Variants in WWOX observed in about 807,000 individuals in gnomAD.
WWOX encodes the protein WW domain containing oxidoreductase.
In WWOX, 69 loss-of-function variants were observed where a neutral mutation model predicts 46.2. The ratio of observed to expected loss-of-function variants is 1.49; its 90% CI spans 1.23 to 1.82. The LOEUF (loss-of-function observed/expected upper bound fraction) is 1.82. Ranked by LOEUF, WWOX falls within the 40% of genes most tolerant of loss-of-function variation. The probability of loss-of-function intolerance (pLI) is 0.00; values close to 1 mark genes in which losing one functional copy is unlikely to be tolerated. For synonymous variants in WWOX, 359 were observed against 202.6 expected (o/e 1.77, Z -6.56); for missense variants, 919 against 542.6 (o/e 1.69, Z -6.89).
intron 8 of WWOX, among the ~76,000 whole-genome samples, chr16:78,554,258 G>T (rs1016766722): frequency 6.6e-6 from 1 of 152,140 alleles, no homozygotes; most frequent in Admixed American, 6.5e-5. Context: ...GAACTGTCAA[G>T]ATTTTCACTA....
intron 5 of WWOX, among the ~76,000 whole-genome samples, chr16:78,353,518 G>T (rs1400605439): frequency 6.6e-6 from 1 of 152,194 alleles, no homozygotes; most frequent in Non-Finnish European, 1.5e-5. Flanking sequence ...CCTCTAGCCA[G>T]TTGGGACAGG....
At chr16:78,634,539 C>T (rs1280057551) in intron 8 of WWOX, among the ~76,000 whole-genome samples, 2 of 151,920 alleles carry the variant, frequency 1.3e-5, no homozygotes, top group South Asian at 2.1e-4. Flanking sequence ...AACCCCGTCT[C>T]TACTAAAAAT....
chr16:79,051,986 G>T (rs191265570), intron 8 of WWOX, among the ~76,000 whole-genome samples: 1 of 151,020 alleles, frequency 6.6e-6, no homozygotes, highest in Non-Finnish European at 1.5e-5. Context: ...AAGTTACTTC[G>T]TCCTTCCTTT....
In WWOX at chr16:79,155,912, G is replaced by C. The variant is rs187949189; in HGVS notation, c.1057-55696G>C. ...TTCCAGTTGTTTTTTTTTTAATCTA[G>C]GTACAAGTCTCTCTGTTGATTTCTA... On this transcript the variant is annotated intron_variant, in intron 8 of 8. Coordinates refer to ENST00000566780, the MANE Select transcript of WWOX (RefSeq NM_016373.4). Among the ~76,000 whole-genome samples the C allele has an allele frequency of 9.3e-3, 1,418 of 151,734 alleles. 27 individuals carry two copies. Among genetic ancestry groups the C allele is most frequent in the African/African-American group, 0.033 (1,346 of 41,340 alleles).
intron 5 of WWOX, among the ~76,000 whole-genome samples, chr16:78,359,505 TTTC>T (rs569016465): frequency 6.6e-6 from 1 of 152,182 alleles, no homozygotes; most frequent in Non-Finnish European, 1.5e-5. Context: ...TGAAACACCT[TTTC>T]TTTTTTAATC....
chr16:78,934,128 G>C (rs1008175266), intron 8 of WWOX, among the ~76,000 whole-genome samples: 1 of 151,888 alleles, frequency 6.6e-6, no homozygotes, highest in Non-Finnish European at 1.5e-5. Context: ...AAGGTCAGGA[G>C]ATGGAGACCA....
rs558872989 is a variant in WWOX, at chr16:78,678,722, A to C, written c.1056+245970A>C. 3.8e-3 allele frequency among the ~76,000 whole-genome samples: 575 copies of C among 152,280 alleles called. 2 individuals are homozygous for C. The highest frequency in any genetic ancestry group is 0.013 in the African/African-American group (537 of 41,564). Reference sequence around the variant, plus strand: ...TAAAAGAGGGTCAAGATTTTGACGGAGGGCTGGAAGGGAGGAACGATAGGA... The same window carrying C: ...TAAAAGAGGGTCAAGATTTTGACGGCGGGCTGGAAGGGAGGAACGATAGGA... On this transcript the variant is annotated intron_variant, in intron 8 of 8. Transcript: ENST00000566780.
At chr16:78,473,799 C>T (rs966432376) in intron 8 of WWOX, among the ~76,000 whole-genome samples, 3 of 152,098 alleles carry the variant, frequency 2.0e-5, no homozygotes, top group African/African-American at 4.8e-5. Flanking sequence ...CCCCTGAATG[C>T]CAACAAGAGT....
At chr16:78,675,722 C>G (rs865811783) in intron 8 of WWOX, among the ~76,000 whole-genome samples, 1 of 152,124 alleles carries the variant, frequency 6.6e-6, no homozygotes, top group Admixed American at 6.5e-5. Flanking sequence ...TGCCTATAAC[C>G]CTGCACTTAG....
chr16:78,622,295 C>T (rs535000822), intron 8 of WWOX, among the ~76,000 whole-genome samples: 1 of 152,010 alleles, frequency 6.6e-6, no homozygotes, highest in Non-Finnish European at 1.5e-5. Flanking sequence ...GTAATCCCAG[C>T]ACTTTGGGAC....
chr16:78,602,866 A>C (rs1047212836), intron 8 of WWOX, among the ~76,000 whole-genome samples: 2 of 152,136 alleles, frequency 1.3e-5, no homozygotes, highest in African/African-American at 4.8e-5. Flanking sequence ...GAAATTGAGT[A>C]ATTTTTGCCA....
rs145555471 is a variant in WWOX at position 78,322,304 on chromosome 16, A to C, written c.517-64556A>C. On this transcript the variant is annotated intron_variant, in intron 5 of 8. Transcript: ENST00000566780. Reference sequence around the variant, plus strand: ...TGTATTAGCCAGCATTAAGGGGAAAAAATGACATTTTGACTTTGACTCCCT... The same window carrying C: ...TGTATTAGCCAGCATTAAGGGGAAACAATGACATTTTGACTTTGACTCCCT... 6.6e-5 allele frequency among the ~76,000 whole-genome samples: 10 copies of C among 152,188 alleles called. No homozygotes were observed. The East Asian group carries it at 1.9e-3, about 29-fold the overall frequency.
intron 2 of WWOX, among the ~76,000 whole-genome samples, chr16:78,109,189 T>G (rs1258062221): frequency 6.6e-6 from 1 of 152,104 alleles, no homozygotes. Flanking sequence ...ATCCACGGAA[T>G]AGAAGTATAA....
intron 4 of WWOX, among the ~76,000 whole-genome samples, chr16:78,150,312 C>A (rs1412978042): frequency 6.6e-6 from 1 of 152,102 alleles, no homozygotes; most frequent in African/African-American, 2.4e-5. Context: ...CCGGCATGCC[C>A]CTCTCCAGGC....
chr16:78,548,635 C>T (rs898946736), intron 8 of WWOX, among the ~76,000 whole-genome samples: 2 of 152,168 alleles, frequency 1.3e-5, no homozygotes, highest in East Asian at 1.9e-4. Context: ...ATGATTTTGC[C>T]TTTCATGCAG....
chr16:78,983,020 T>G (rs897120651), intron 8 of WWOX, among the ~76,000 whole-genome samples: 1 of 152,220 alleles, frequency 6.6e-6, no homozygotes, highest in African/African-American at 2.4e-5. Flanking sequence ...TATATTCCTT[T>G]GTTTCTTTTG....
intron 8 of WWOX, among the ~76,000 whole-genome samples, chr16:78,503,332 A>G (rs1005476857): frequency 2.0e-5 from 3 of 152,058 alleles, no homozygotes; most frequent in African/African-American, 4.8e-5. Context: ...ACCTATAAGT[A>G]CCTTCCAACT....
intron 5 of WWOX, among the ~76,000 whole-genome samples, chr16:78,383,988 A>C (rs915906226): frequency 6.6e-6 from 1 of 152,192 alleles, no homozygotes; most frequent in African/African-American, 2.4e-5. Context: ...GGGGAACCAA[A>C]AGAAAACTTA....
At chr16:78,743,209 C>A (rs1003503849) in intron 8 of WWOX, among the ~76,000 whole-genome samples, 15 of 152,152 alleles carry the variant, frequency 9.9e-5, no homozygotes, top group East Asian at 7.7e-4. Context: ...ACTCTTTCTG[C>A]ACTGGAGAGC....
Sources: gnomAD v4.1 joint callset for allele counts (sites outside exome capture counted in the v4.1 genomes callset) on GRCh38, gnomAD v4.1.1 for gene constraint, MANE v1.5 for transcripts, NCBI Gene and HGNC (gene_info 2026-07-23, HGNC 2026-07-21) for gene names.